Variants in ECPAS observed in about 807,000 individuals in gnomAD.
The protein encoded by ECPAS is proteasome adapter and scaffold protein ECM29.
ECPAS carries 70 observed loss-of-function variants against 255.1 expected under a neutral mutation model. That is an observed-to-expected ratio of 0.27 (90% CI 0.23 to 0.33). The LOEUF (loss-of-function observed/expected upper bound fraction) is 0.33, where lower values mean the gene tolerates loss of function less well. Among genes scored for constraint, ECPAS ranks in the 10% least tolerant of loss-of-function variants. The pLI, the probability that ECPAS is intolerant of heterozygous loss-of-function variation, is 1.00. For missense variants in ECPAS, 1,817 were observed against 2,206.4 expected, an observed-to-expected ratio of 0.82 and a Z score of 3.54; for synonymous variants, 784 against 775.0, an observed-to-expected ratio of 1.01 and a Z score of -0.19.
chr9:111,404,338 A>G (rs2098180649), intron 24 of ECPAS, among the ~76,000 whole-genome samples: 1 of 149,920 alleles, frequency 6.7e-6, no homozygotes, highest in Non-Finnish European at 1.5e-5. Context: ...GTTCTTTAAA[A>G]GATAAACAAA....
At position 111,408,588 on chromosome 9, in the gene ECPAS, G is replaced by A; in HGVS notation, c.2635C>T (p.Leu879=). The change falls in exon 24 of 50, where the codon CTG becomes TTG. Residue 879 remains leucine (L), a synonymous_variant. Transcript: ENST00000684092. ...FPHQKLLLQG[L]MDSVEAKQIE... ...ATAAATACCTCCACAGAATCCATCA[G>A]ACCTTGCAAGAGGAGTTTCTGGTGA... is the stretch of plus-strand genomic sequence containing the variant. 6.3e-7 allele frequency: 1 copy of A among 1,587,402 alleles called. No individual in the cohort carries two copies. Among genetic ancestry groups the A allele is most frequent in the Middle Eastern group, 1.7e-4 (1 of 5,994 alleles).
intron 2 of ECPAS, among the ~76,000 whole-genome samples, chr9:111,468,650 A>AGC (rs2098282409): frequency 6.9e-6 from 1 of 145,812 alleles, no homozygotes; most frequent in Admixed American, 7.2e-5. Context: ...AGAGAGAGAG[A>AGC]GAGCGAGCGT....
rs1417563988 is a variant in ECPAS, at chr9:111,373,288, T to C, written c.4269+27A>G. On this transcript the variant is annotated intron_variant, in intron 40 of 49. Coordinates refer to ENST00000684092, the MANE Select transcript of ECPAS (RefSeq NM_001364929.1). Reference sequence around the variant, plus strand: ...TCTTTATAACTGTCAAAGAGTTTTATTTAACTAAGCAAGAAATTTAACTCA... The same window carrying C: ...TCTTTATAACTGTCAAAGAGTTTTACTTAACTAAGCAAGAAATTTAACTCA... 3 of 1,613,178 alleles carry C rather than the reference T, an allele frequency of 1.9e-6. No individual in the cohort carries two copies. The Admixed American group carries it at 5.0e-5, about 27-fold the overall frequency.
Position 111,362,023 on chromosome 9 carries a change from T to C in ECPAS, c.*7A>G, listed in dbSNP as rs1421855645. 6.2e-7 allele frequency: 1 copy of C among 1,610,796 alleles called. No individual in the cohort carries two copies. The highest frequency in any genetic ancestry group is 1.1e-5 in the South Asian group (1 of 90,542). ...CATGGCACTTGTTTGTTTCTTCCCC[T>C]TCTAATTTATTCCAGATTTTCAAGT... On this transcript the variant is annotated 3_prime_UTR_variant, in exon 50 of 50. Transcript: ENST00000684092.
At chr9:111,397,653 T>C (rs1003180528) in intron 24 of ECPAS, among the ~76,000 whole-genome samples, 8 of 152,244 alleles carry the variant, frequency 5.3e-5, no homozygotes, top group East Asian at 1.9e-4. Flanking sequence ...GGATGCTTGA[T>C]TGTGGTTACT....
At position 111,406,382 on chromosome 9, in the gene ECPAS, A is replaced by G. The variant is rs1053498610; in HGVS notation, c.2652+2189T>C. Reference sequence around the variant, plus strand: ...GAAAGGTACTGGAGAACGGGGAAAGAGAGCTTGGCTAATGGGAACTAAAAT... The same window carrying G: ...GAAAGGTACTGGAGAACGGGGAAAGGGAGCTTGGCTAATGGGAACTAAAAT... On this transcript the variant is annotated intron_variant, in intron 24 of 49. Transcript: ENST00000684092. 6.0e-5 allele frequency among the ~76,000 whole-genome samples: 9 copies of G among 149,782 alleles called. 2 individuals carry two copies. The East Asian group carries it at 1.8e-3, about 30-fold the overall frequency.
chr9:111,365,288 TATCATC>T (rs143492409), intron 48 of ECPAS, among the ~76,000 whole-genome samples: 191 of 147,644 alleles, frequency 1.3e-3, no homozygotes, highest in Middle Eastern at 3.5e-3. Context: ...TAATAACCAT[TATCATC>T]ATCATCATCA....
chr9:111,437,332 AACTACAACCATT>A (rs2098239630), intron 6 of ECPAS, among the ~76,000 whole-genome samples: 1 of 152,232 alleles, frequency 6.6e-6, no homozygotes, highest in African/African-American at 2.4e-5. Context: ...GTTACAAATG[AACTACAACCATT>A]ACCAACAATG....
intron 13 of ECPAS, among the ~76,000 whole-genome samples, chr9:111,422,487 C>T (rs1287239857): frequency 6.6e-6 from 1 of 152,200 alleles, no homozygotes; most frequent in Non-Finnish European, 1.5e-5. Flanking sequence ...GTGATCTAAA[C>T]TAATGACTGT....
intron 2 of ECPAS, among the ~76,000 whole-genome samples, chr9:111,459,561 A>T (rs1344461650): frequency 3.3e-5 from 5 of 152,188 alleles, no homozygotes; most frequent in African/African-American, 7.2e-5. Context: ...GTATGTTAAT[A>T]ACCCCATTTA....
chr9:111,395,995 G>A (rs1360534205), intron 25 of ECPAS, among the ~76,000 whole-genome samples: 1 of 152,160 alleles, frequency 6.6e-6, no homozygotes, highest in East Asian at 1.9e-4. Context: ...TCTTTAGGGT[G>A]GCTAATGAAA....
chr9:111,421,775 A>G, intron 15 of ECPAS, 146 bp downstream of exon 15: 1 of 979,740 alleles, frequency 1.0e-6, no homozygotes, highest in Non-Finnish European at 1.5e-6. Flanking sequence ...TCAAATTTTC[A>G]TCATGAAGAA....
chr9:111,463,909 T>C (rs1365932350), intron 2 of ECPAS, among the ~76,000 whole-genome samples: 3 of 152,144 alleles, frequency 2.0e-5, no homozygotes, highest in Admixed American at 1.3e-4. Flanking sequence ...AAGAGGAACA[T>C]ACCCTTCCAC....
At chr9:111,472,769 G>T in intron 2 of ECPAS, 128 bp downstream of exon 2, 1 of 200,762 alleles carries the variant, frequency 5.0e-6, no homozygotes. Flanking sequence ...AATTTTCTCA[G>T]GCTAGCTAGA....
chr9:111,361,847 T>C lies in ECPAS; in HGVS notation c.*183A>G. On this transcript the variant is annotated 3_prime_UTR_variant, in exon 50 of 50. Coordinates refer to ENST00000684092, the MANE Select transcript of ECPAS (RefSeq NM_001364929.1). ...TTAAGCTCACTCAGCCCAGATACTTTAAAAACATAAAGTAAAATAAAGCTA... is the reference window on the plus strand; with the variant it reads ...TTAAGCTCACTCAGCCCAGATACTTCAAAAACATAAAGTAAAATAAAGCTA... 1.5e-6 allele frequency: 1 copy of C among 650,602 alleles called. No individual in the cohort carries two copies. Among genetic ancestry groups the C allele is most frequent in the South Asian group, 2.8e-5 (1 of 35,692 alleles). The allele number at this position is 650,602 out of a possible 1,614,324, so 40.3% of individuals were successfully genotyped here. A position where few individuals can be genotyped will look rare whatever the true frequency, so the allele number is the denominator to read the frequency against.
Position 111,412,061 on chromosome 9 carries a change from A to T in ECPAS, c.2167T>A (p.Leu723Met), listed in dbSNP as rs1380904200. The T allele has an allele frequency of 6.3e-7, 1 of 1,590,498 alleles. No homozygotes were observed. Among genetic ancestry groups the T allele is most frequent in the East Asian group, 2.3e-5 (1 of 44,316 alleles). ...ATAAGCTGTTCTATCATTGATTTCAACTCATTCCCCGACACTGTTGATACC... is the reference window on the plus strand; with the variant it reads ...ATAAGCTGTTCTATCATTGATTTCATCTCATTCCCCGACACTGTTGATACC... ...VVVSTVSGNE[L>M]KSMIEQLIKT... The change falls in exon 21 of 50, where the codon TTG becomes ATG. Residue 723 changes from leucine (L) to methionine (M), a missense_variant. Coordinates refer to ENST00000684092, the MANE Select transcript of ECPAS (RefSeq NM_001364929.1).
chr9:111,371,633 C>T lies in ECPAS; in HGVS notation c.4725G>A (p.Thr1575=), dbSNP rs372133962. ...ATGGTTCCTTTACCTTTCCTGCCCA[C>T]GTTCTTCCAGCCAGGCCTTGCAGCA... ...TALLQGLAGR[T]WAGKEELLKA... is the part of the protein sequence containing the mutation. The change falls in exon 43 of 50, where the codon ACG becomes ACA. Residue 1575 remains threonine (T), a synonymous_variant. Transcript: ENST00000684092. The T allele has an allele frequency of 3.3e-5, 53 of 1,613,572 alleles. No individual in the cohort carries two copies. The African/African-American group carries it at 5.5e-4, about 17-fold the overall frequency.
intron 24 of ECPAS, among the ~76,000 whole-genome samples, chr9:111,401,287 T>A (rs1395169589): frequency 1.3e-5 from 2 of 152,150 alleles, no homozygotes; most frequent in Non-Finnish European, 2.9e-5. Context: ...AGAGAGAAAT[T>A]TTACAGCTGG....
At chr9:111,370,691 G>A (rs1048234792) in intron 44 of ECPAS, 31 bp downstream of exon 44, 2 of 1,605,996 alleles carry the variant, frequency 1.2e-6, no homozygotes, top group Non-Finnish European at 1.7e-6. Context: ...TCCAGTTTAA[G>A]AAATGGCATC....
Sources: gnomAD v4.1 joint callset for allele counts (sites outside exome capture counted in the v4.1 genomes callset) on GRCh38, gnomAD v4.1.1 for gene constraint, MANE v1.5 for transcripts, NCBI Gene and HGNC (gene_info 2026-07-23, HGNC 2026-07-21) for gene names.